USP30: variants seen among roughly 807,000 people sequenced by gnomAD.
The protein encoded by USP30 is ubiquitin specific peptidase 30, also known as ubiquitin carboxyl-terminal hydrolase 30.
Under a neutral mutation model 68.2 loss-of-function variants are expected in USP30, and 41 were observed. That is an observed-to-expected ratio of 0.60 (90% CI 0.47 to 0.78). The LOEUF (loss-of-function observed/expected upper bound fraction) is 0.78. Among genes scored for constraint, USP30 ranks in the 30% least tolerant of loss-of-function variants. The pLI is 0.00. For synonymous variants in USP30, 229 were observed against 253.7 expected (o/e 0.90, Z 0.93); for missense variants, 522 against 649.4 (o/e 0.80, Z 2.13).
chr12:109,056,659 A>G (rs1446669711), intron 1 of USP30, 23 bp from the exon 2 acceptor site: 4 of 1,563,916 alleles, frequency 2.6e-6, no homozygotes, highest in East Asian at 2.3e-5. Context: ...GAGGGAAGAC[A>G]GTAAACTTGT....
chr12:109,039,430 CT>C (rs375745235), intron 3 of USP30, among the ~76,000 whole-genome samples: 12 of 152,162 alleles, frequency 7.9e-5, no homozygotes, highest in African/African-American at 2.2e-4. Context: ...GTCATTTGAC[CT>C]TAGATAAAGT....
chr12:109,079,351 CTT>C (rs71079521), intron 7 of USP30, among the ~76,000 whole-genome samples: 872 of 48,298 alleles, frequency 0.018, no homozygotes, highest in South Asian at 0.023. Flanking sequence ...TTTTTTTTTT[CTT>C]TTTTTTTTTT....
At chr12:109,083,153 G>T in intron 11 of USP30, 91 bp downstream of exon 11, 1 of 1,298,462 alleles carries the variant, frequency 7.7e-7, no homozygotes, top group East Asian at 2.4e-5. Context: ...CTTATGACAG[G>T]AGCACAAGGC....
chr12:109,067,141 C>T (rs1238329887), intron 3 of USP30, among the ~76,000 whole-genome samples: 3 of 119,706 alleles, frequency 2.5e-5, no homozygotes, highest in Non-Finnish European at 4.8e-5. Flanking sequence ...TGAGATGGAG[C>T]GTCACTCTGT....
At chr12:109,041,533 G>A (rs549457547) in intron 3 of USP30, among the ~76,000 whole-genome samples, 1 of 152,060 alleles carries the variant, frequency 6.6e-6, no homozygotes, top group South Asian at 2.1e-4. Flanking sequence ...TATTCCAGAG[G>A]CTGAGGCAGA....
At chr12:109,081,446 T>C in intron 8 of USP30, 53 bp downstream of exon 8, 1 of 1,598,562 alleles carries the variant, frequency 6.3e-7, no homozygotes, top group Non-Finnish European at 8.6e-7. Flanking sequence ...CATTTCAATC[T>C]GAAAGGGCTT....
chr12:109,087,847 A>G lies in USP30; in HGVS notation c.*1916A>G, dbSNP rs2041982014. The G allele has an allele frequency of 1.7e-5, 3 of 171,498 alleles. No homozygotes were observed. The highest frequency in any genetic ancestry group is 7.2e-5 in the African/African-American group (3 of 41,730). The allele number at this position is 171,498 out of a possible 1,614,324, so 10.6% of individuals were successfully genotyped here. ...TTTTGTAAATTATTATGCATTAAGT[A>G]GCAGCCCAATAATCTGATTTCTAGT... On this transcript the variant is annotated 3_prime_UTR_variant, in exon 13 of 13. Coordinates refer to ENST00000257548, the MANE Select transcript of USP30 (RefSeq NM_032663.5).
intron 7 of USP30, among the ~76,000 whole-genome samples, chr12:109,079,044 G>A (rs1202143389): frequency 6.6e-6 from 1 of 152,102 alleles, no homozygotes; most frequent in Non-Finnish European, 1.5e-5. Context: ...TGTTCATGCT[G>A]CGCATAGATG....
In USP30 at chr12:109,085,725, T is replaced by C. The variant is rs757173474; in HGVS notation, c.1348T>C (p.Ser450Pro). Residue 450 changes from serine to proline, a missense_variant, in exon 13 of 13, where the codon TCT becomes CCT. Transcript: ENST00000257548. ...AVVVHHGDMH[S>P]GHFVTYRRSP... ...TGTCGTCCACCATGGAGACATGCACTCTGGACACTTTGTCACTTACCGACG... is the reference window on the plus strand; with the variant it reads ...TGTCGTCCACCATGGAGACATGCACCCTGGACACTTTGTCACTTACCGACG... 1 of 1,614,132 alleles carries C rather than the reference T, an allele frequency of 6.2e-7. No homozygotes were observed. The highest frequency in any genetic ancestry group is 1.3e-5 in the African/African-American group (1 of 74,946).
At chr12:109,039,218 A>C (rs1443198631) in intron 3 of USP30, among the ~76,000 whole-genome samples, 1 of 152,180 alleles carries the variant, frequency 6.6e-6, no homozygotes, top group Non-Finnish European at 1.5e-5. Context: ...AGAAAGTTTT[A>C]CAGTTTTAAC....
rs1027459923 is a variant in USP30, at chr12:109,070,328, T to G, written c.481-1284T>G. 6.6e-6 allele frequency among the ~76,000 whole-genome samples: 1 copy of G among 152,034 alleles called. No individual in the cohort carries two copies. Among genetic ancestry groups the G allele is most frequent in the Non-Finnish European group, 1.5e-5 (1 of 67,982 alleles). The stretch of plus-strand genomic sequence containing the variant: ...GAATTGGCTGAGGGTGGGTTAGAGT[T>G]CAGAGGGGTGGAGGCAGCTTTGGAT... On this transcript the variant is annotated intron_variant, in intron 4 of 12. Transcript: ENST00000257548. The surrounding 1 kb of genome is among the most constrained non-coding windows in gnomAD (Gnocchi z 4.0).
intron 3 of USP30, among the ~76,000 whole-genome samples, chr12:109,035,563 C>A (rs2135665038): frequency 6.6e-6 from 1 of 152,196 alleles, no homozygotes; most frequent in South Asian, 2.1e-4. Flanking sequence ...GAGGTTTCAC[C>A]ATGTTGGCCA....
At chr12:109,024,117 T>G (rs569325816) in intron 1 of USP30, among the ~76,000 whole-genome samples, 1 of 152,266 alleles carries the variant, frequency 6.6e-6, no homozygotes, top group East Asian at 1.9e-4. Flanking sequence ...TGCTTGCATT[T>G]CCTCATCAGA....
chr12:109,035,729 T>C (rs1266711395), intron 3 of USP30, among the ~76,000 whole-genome samples: 3 of 152,230 alleles, frequency 2.0e-5, no homozygotes, highest in African/African-American at 4.8e-5. Context: ...TATAAAAACA[T>C]TGCCATATGT....
intron 4 of USP30, among the ~76,000 whole-genome samples, chr12:109,069,492 C>A (rs989340373): frequency 2.0e-5 from 3 of 152,226 alleles, no homozygotes; most frequent in Admixed American, 1.3e-4. Flanking sequence ...ATCTCTACTT[C>A]CACTCTACAG....
chr12:109,073,089 A>AT (rs1330473943), intron 6 of USP30, among the ~76,000 whole-genome samples: 3 of 152,210 alleles, frequency 2.0e-5, no homozygotes, highest in Non-Finnish European at 2.9e-5. Flanking sequence ...ATTTCAGAAG[A>AT]TTTTATCTCG....
chr12:109,067,804 A>G (rs534586971), intron 4 of USP30, among the ~76,000 whole-genome samples, 177 bp downstream of exon 4: 1 of 152,292 alleles, frequency 6.6e-6, no homozygotes, highest in South Asian at 2.1e-4. Flanking sequence ...GGGGAGATAC[A>G]GCTGTTTTTC....
upstream of USP30, among the ~76,000 whole-genome samples, chr12:109,048,433 T>A (rs2040625332): frequency 7.1e-6 from 1 of 141,828 alleles, no homozygotes; most frequent in Non-Finnish European, 1.5e-5. Flanking sequence ...CATCAGTGAT[T>A]GCCAGGGGTT....
At chr12:109,069,317 C>G (rs2041356322) in intron 4 of USP30, among the ~76,000 whole-genome samples, 1 of 152,194 alleles carries the variant, frequency 6.6e-6, no homozygotes, top group Non-Finnish European at 1.5e-5. Flanking sequence ...TGTGAGGGCT[C>G]CTTGAGCCTC....
Sources: allele counts gnomAD v4.1 joint callset (sites outside exome capture counted in the v4.1 genomes callset), GRCh38; gene constraint gnomAD v4.1.1; non-coding constraint Gnocchi (gnomAD v3.1); transcripts MANE v1.5; gene names NCBI Gene and HGNC (gene_info 2026-07-23, HGNC 2026-07-21).